The following NEK11 variants were observed in gnomAD, a reference collection of about 807,000 sequenced individuals.
The protein encoded by NEK11 is NIMA related kinase 11, also known as serine/threonine-protein kinase Nek11.
NEK11 carries 72 observed loss-of-function variants against 80.7 expected under a neutral mutation model. The ratio of observed to expected loss-of-function variants is 0.89; its 90% confidence interval spans 0.74 to 1.08. NEK11 has a LOEUF of 1.08. NEK11 is among the 50% of genes least tolerant of loss of function. The pLI is 0.00. For synonymous variants in NEK11, 251 were observed against 260.7 expected, an observed-to-expected ratio of 0.96 and a Z score of 0.36; for missense variants, 764 against 763.6, an observed-to-expected ratio of 1.00 and a Z score of -0.01.
chr3:131,316,656 G>A (rs1308809793), intron 17 of NEK11, among the ~76,000 whole-genome samples: 1 of 151,828 alleles, frequency 6.6e-6, no homozygotes, highest in Non-Finnish European at 1.5e-5. Flanking sequence ...TTTTTTTGTT[G>A]ATACTTTAAA....
At chr3:131,269,893 T>C (rs2096145726) in intron 16 of NEK11, among the ~76,000 whole-genome samples, 1 of 152,110 alleles carries the variant, frequency 6.6e-6, no homozygotes. Flanking sequence ...GTTTTATGAG[T>C]GAAAGCTGAT....
intron 14 of NEK11, among the ~76,000 whole-genome samples, chr3:131,210,852 T>C (rs1426526195): frequency 1.3e-5 from 2 of 152,218 alleles, no homozygotes; most frequent in African/African-American, 2.4e-5. Flanking sequence ...CCCTTTATTT[T>C]GAGCCTATGT....
At chr3:131,094,603 A>G (rs1297088800) in intron 4 of NEK11, among the ~76,000 whole-genome samples, 1 of 152,224 alleles carries the variant, frequency 6.6e-6, no homozygotes, top group African/African-American at 2.4e-5. Flanking sequence ...AAATTTCTCC[A>G]GGAGTATTCC....
chr3:131,054,490 C>T (rs961218201), intron 3 of NEK11: 2 of 152,192 alleles, frequency 1.3e-5, no homozygotes, highest in African/African-American at 4.8e-5. Context: ...AACTATGGCT[C>T]ATATCTGCAA....
chr3:131,349,417 A>T (rs2097421096), intron 17 of NEK11, 140 bp from the exon 18 acceptor site: 5 of 649,476 alleles, frequency 7.7e-6, no homozygotes, highest in Non-Finnish European at 1.3e-5. Context: ...TTTAGGGTGG[A>T]GATATTGTGC....
At chr3:131,161,926 C>T (rs977011318) in intron 10 of NEK11, among the ~76,000 whole-genome samples, 11 of 152,130 alleles carry the variant, frequency 7.2e-5, no homozygotes, top group African/African-American at 2.4e-4. Context: ...CATATGTTAT[C>T]TCATATGATA....
At chr3:131,087,315 C>T (rs571967488) in intron 4 of NEK11, among the ~76,000 whole-genome samples, 2 of 144,600 alleles carry the variant, frequency 1.4e-5, no homozygotes, top group African/African-American at 5.1e-5. Context: ...ACAATCTCAG[C>T]TCACTGCAAC....
At chr3:131,318,469 CAT>C (rs1264012262) in intron 17 of NEK11, among the ~76,000 whole-genome samples, 3 of 151,970 alleles carry the variant, frequency 2.0e-5, no homozygotes, top group African/African-American at 7.3e-5. Context: ...TGCACAAAAA[CAT>C]ATATCAAAGG....
intron 14 of NEK11, among the ~76,000 whole-genome samples, chr3:131,173,141 C>T (rs1186057613): frequency 6.6e-6 from 1 of 152,146 alleles, no homozygotes; most frequent in Admixed American, 6.5e-5. Flanking sequence ...TCTATTCAGT[C>T]GAGCAGCTCA....
intron 14 of NEK11, chr3:131,174,710 A>C: frequency 6.4e-7 from 1 of 1,562,500 alleles, no homozygotes; most frequent in African/African-American, 1.4e-5. Flanking sequence ...CTTGCACATT[A>C]ATTTTTGCCA....
chr3:131,278,863 T>A (rs2096348939), intron 17 of NEK11, among the ~76,000 whole-genome samples: 1 of 152,154 alleles, frequency 6.6e-6, no homozygotes, highest in African/African-American at 2.4e-5. Flanking sequence ...ACCAGGGACA[T>A]CATCTGGAAA....
intron 4 of NEK11, among the ~76,000 whole-genome samples, chr3:131,103,291 G>A (rs2078676226): frequency 6.6e-6 from 1 of 152,186 alleles, no homozygotes; most frequent in Admixed American, 6.5e-5. Context: ...CATCTGAGAA[G>A]GTTGGCGTTC....
intron 16 of NEK11, among the ~76,000 whole-genome samples, chr3:131,244,079 T>C (rs1186973142): frequency 6.6e-6 from 1 of 152,034 alleles, no homozygotes; most frequent in African/African-American, 2.4e-5. Context: ...GTATTCTTAC[T>C]AGATGAAAAG....
Position 131,162,408 on chromosome 3 carries a change from GCA to G in NEK11, c.964_965del (p.Gln322LysfsTer32), listed in dbSNP as rs781673508. On this transcript the variant is annotated frameshift_variant and splice_region_variant, in exon 11 of 18. Coordinates refer to ENST00000383366, the MANE Select transcript of NEK11 (RefSeq NM_024800.5). LOFTEE classifies it high-confidence loss of function. ...TGAGGGGAATCTTTGTTATTTATAG[GCA>G]AAAAAGGATCCACCTGCAGACTCTG... ...KEAAHIINAM[Q>X]KRIHLQTLRA... 1.3e-5 allele frequency: 21 copies of G among 1,611,932 alleles called. No individual in the cohort carries two copies. Among genetic ancestry groups the G allele is most frequent in the Non-Finnish European group, 1.6e-5 (19 of 1,179,350 alleles).
chr3:131,331,632 G>C (rs1030713642), intron 17 of NEK11, among the ~76,000 whole-genome samples: 8 of 152,220 alleles, frequency 5.3e-5, no homozygotes, highest in Non-Finnish European at 1.0e-4. Context: ...GCAGCGCACC[G>C]TGCGTGAGCC....
At chr3:131,340,199 C>T (rs2097263236) in intron 17 of NEK11, among the ~76,000 whole-genome samples, 1 of 152,074 alleles carries the variant, frequency 6.6e-6, no homozygotes, top group South Asian at 2.1e-4. Flanking sequence ...TTTATTCGTA[C>T]AAAATACACA....
rs1455124973 is a variant in NEK11, at chr3:131,187,825, A to G, written c.1399+16938A>G. 6.6e-5 allele frequency among the ~76,000 whole-genome samples: 10 copies of G among 152,196 alleles called. No homozygotes were observed. In the South Asian group the frequency reaches 1.0e-3, roughly 16 times the overall value. ...AAGTCACACAGATTGAAAATAAAGTATTTCAGAGTTTACCTAATAATAATT... is the reference window on the plus strand; with the variant it reads ...AAGTCACACAGATTGAAAATAAAGTGTTTCAGAGTTTACCTAATAATAATT... On this transcript the variant is annotated intron_variant, in intron 14 of 17. Transcript: ENST00000383366.
chr3:131,077,958 T>A (rs1427014153), intron 3 of NEK11, among the ~76,000 whole-genome samples: 1 of 152,204 alleles, frequency 6.6e-6, no homozygotes, highest in Non-Finnish European at 1.5e-5. Flanking sequence ...AATAGGCTGT[T>A]TAAAACCAAT....
chr3:131,223,085 G>T (rs766952605), intron 14 of NEK11, among the ~76,000 whole-genome samples: 6 of 152,196 alleles, frequency 3.9e-5, no homozygotes. Flanking sequence ...TACCCATTAT[G>T]AGGCTGACTT....
Sources: gnomAD v4.1 joint callset for allele counts (sites outside exome capture counted in the v4.1 genomes callset) on GRCh38, gnomAD v4.1.1 for gene constraint, MANE v1.5 for transcripts, NCBI Gene and HGNC (gene_info 2026-07-23, HGNC 2026-07-21) for gene names.